The following ZNF475 variants were observed in gnomAD, a reference collection of about 807,000 sequenced individuals.
ZNF475 encodes zinc finger protein 475.
chr5:122,171,361 C>T, the ZNF475 span, among the ~76,000 whole-genome samples: 1 of 152,020 alleles, frequency 6.6e-6, no homozygotes, highest in African/African-American at 2.4e-5. Context: ...CTAATTTGAC[C>T]TTAGTGAGTA....
the ZNF475 span, among the ~76,000 whole-genome samples, chr5:122,177,820 C>T: frequency 3.3e-5 from 5 of 151,924 alleles, no homozygotes; most frequent in East Asian, 1.9e-4. Context: ...TAGGTATACA[C>T]GTGCTATTGT....
At chr5:122,178,102 C>T in the ZNF475 span, among the ~76,000 whole-genome samples, 9 of 152,256 alleles carry the variant, frequency 5.9e-5, no homozygotes, top group African/African-American at 2.2e-4. Context: ...GCACAGTATT[C>T]CATGGTGTAT....
the ZNF475 span, among the ~76,000 whole-genome samples, chr5:122,164,267 G>C: frequency 6.6e-6 from 1 of 152,228 alleles, no homozygotes; most frequent in Non-Finnish European, 1.5e-5. Flanking sequence ...GAGGGCAACA[G>C]GGAGTGGTAG....
At chr5:122,178,707 T>C in the ZNF475 span, among the ~76,000 whole-genome samples, 2 of 152,304 alleles carry the variant, frequency 1.3e-5, no homozygotes, top group South Asian at 4.1e-4. Context: ...CTGATGGTAG[T>C]TTCTTTTGCT....
chr5:122,172,892 G>C, the ZNF475 span, among the ~76,000 whole-genome samples: 1 of 152,090 alleles, frequency 6.6e-6, no homozygotes, highest in African/African-American at 2.4e-5. Context: ...AATTAGCTGG[G>C]CATGGTGGCA....
At chr5:122,171,558 A>T in the ZNF475 span, among the ~76,000 whole-genome samples, 2 of 152,342 alleles carry the variant, frequency 1.3e-5, no homozygotes, top group African/African-American at 4.8e-5. Context: ...TTTTAAAAGG[A>T]CCCACTAAAG....
the ZNF475 span, among the ~76,000 whole-genome samples, chr5:122,166,376 A>G: frequency 6.6e-6 from 1 of 151,998 alleles, no homozygotes; most frequent in Non-Finnish European, 1.5e-5. Context: ...TTTAAGTTCT[A>G]GGGTACATTT....
chr5:122,160,979 T>A, the ZNF475 span, among the ~76,000 whole-genome samples: 2 of 152,188 alleles, frequency 1.3e-5, no homozygotes, highest in African/African-American at 4.8e-5. Context: ...TGCAACGCAA[T>A]CTGTAAGGAG....
chr5:122,168,668 G>A, the ZNF475 span, among the ~76,000 whole-genome samples: 6 of 152,168 alleles, frequency 3.9e-5, no homozygotes, highest in African/African-American at 1.4e-4. Flanking sequence ...AGCCGAGATC[G>A]TGCCACTGCA....
At chr5:122,182,038 C>G in the ZNF475 span, among the ~76,000 whole-genome samples, 1 of 152,178 alleles carries the variant, frequency 6.6e-6, no homozygotes, top group South Asian at 2.1e-4. Flanking sequence ...AAACATTCCA[C>G]TGAAGGATTA....
chr5:122,166,775 TG>T, the ZNF475 span, among the ~76,000 whole-genome samples: 1 of 152,222 alleles, frequency 6.6e-6, no homozygotes, highest in Admixed American at 6.6e-5. Context: ...TCTTTGCTAT[TG>T]TGAATAGTGC....
At chr5:122,174,726 C>G in the ZNF475 span, among the ~76,000 whole-genome samples, 4 of 152,094 alleles carry the variant, frequency 2.6e-5, no homozygotes, top group Non-Finnish European at 5.9e-5. Flanking sequence ...CATTTATGAC[C>G]CATGCTATTT....
the ZNF475 span, among the ~76,000 whole-genome samples, chr5:122,178,315 G>T: frequency 6.6e-6 from 1 of 152,126 alleles, no homozygotes; most frequent in Non-Finnish European, 1.5e-5. Context: ...TTGAAGAATC[G>T]CCACACTGTC....
chr5:122,174,787 G>A, the ZNF475 span, among the ~76,000 whole-genome samples: 1 of 152,090 alleles, frequency 6.6e-6, no homozygotes, highest in African/African-American at 2.4e-5. Context: ...TACTTTCCAT[G>A]TGGAATTTTA....
the ZNF475 span, chr5:122,182,446 T>A: frequency 2.1e-6 from 3 of 1,418,176 alleles, no homozygotes; most frequent in Non-Finnish European, 2.8e-6. Flanking sequence ...TTTTTGGTAT[T>A]TTTTTTTCTT....
the ZNF475 span, among the ~76,000 whole-genome samples, chr5:122,161,376 C>A: frequency 0.13 from 20,376 of 152,088 alleles, 1,371 homozygotes; most frequent in South Asian, 0.2. Flanking sequence ...AAAGGTATCA[C>A]TGGTCCCATG....
the ZNF475 span, among the ~76,000 whole-genome samples, chr5:122,164,704 A>T: frequency 6.6e-6 from 1 of 152,296 alleles, no homozygotes; most frequent in East Asian, 1.9e-4. Flanking sequence ...TTTAAGGACC[A>T]AAAGTCCAGG....
chr5:122,160,279 T>C, the ZNF475 span: 3 of 1,289,772 alleles, frequency 2.3e-6, no homozygotes, highest in South Asian at 3.7e-5. Context: ...GGACCAGTTC[T>C]CTTCTACATT....
chr5:122,179,749 G>A, the ZNF475 span: 1 of 1,474,702 alleles, frequency 6.8e-7, no homozygotes, highest in Non-Finnish European at 8.9e-7. Flanking sequence ...CTAGAAAAAA[G>A]ATTTGAGTGC....
Sources: gnomAD v4.1 joint callset for allele counts (sites outside exome capture counted in the v4.1 genomes callset) on GRCh38, gnomAD v4.1.1 for gene constraint, MANE v1.5 for transcripts, NCBI Gene and HGNC (gene_info 2026-07-23, HGNC 2026-07-21) for gene names.